ZNF423: variants seen among roughly 807,000 people sequenced by gnomAD.
ZNF423 encodes the protein Ebf-associated zinc finger protein.
A neutral mutation model predicts 95.8 loss-of-function variants in ZNF423; 12 were observed. The ratio of observed to expected loss-of-function variants is 0.13; its 90% confidence interval spans 0.08 to 0.20. The LOEUF is 0.20. Ranked by LOEUF, ZNF423 falls within the 10% of genes least tolerant of loss-of-function variation. The probability of loss-of-function intolerance (pLI) is 1.00; values close to 1 mark genes in which losing one functional copy is unlikely to be tolerated. For missense variants in ZNF423, 1,316 were observed against 1,737.1 expected (o/e 0.76, Z 4.31); for synonymous variants, 749 against 711.9 (o/e 1.05, Z -0.83).
intron 3 of ZNF423, among the ~76,000 whole-genome samples, chr16:49,641,457 G>A (rs1972972629): frequency 6.6e-6 from 1 of 152,204 alleles, no homozygotes; most frequent in African/African-American, 2.4e-5. Context: ...GGTTCAGAGA[G>A]ACACAGGAAC....
At chr16:49,688,540 T>C (rs2031658243) in intron 3 of ZNF423, among the ~76,000 whole-genome samples, 1 of 152,190 alleles carries the variant, frequency 6.6e-6, no homozygotes, top group Non-Finnish European at 1.5e-5. Flanking sequence ...TGAATGAGGC[T>C]TAGGTCTTCC....
chr16:49,713,715 G>T (rs1400778756), intron 3 of ZNF423, among the ~76,000 whole-genome samples: 5 of 152,180 alleles, frequency 3.3e-5, no homozygotes, highest in Non-Finnish European at 7.3e-5. Context: ...ATTCTTTAAA[G>T]AATTTTTAAG....
chr16:49,595,241 C>A (rs1164199134), intron 5 of ZNF423, among the ~76,000 whole-genome samples: 1 of 152,224 alleles, frequency 6.6e-6, no homozygotes. Flanking sequence ...CCCTGCCACT[C>A]CCAGCTCCAG....
At chr16:49,572,521 G>C (rs1970383140) in intron 5 of ZNF423, among the ~76,000 whole-genome samples, 1 of 152,182 alleles carries the variant, frequency 6.6e-6, no homozygotes, top group African/African-American at 2.4e-5. Context: ...CCTAGACTGG[G>C]CCAAGCACAG....
At chr16:49,696,900 CT>C (rs1201639324) in intron 3 of ZNF423, among the ~76,000 whole-genome samples, 1 of 152,214 alleles carries the variant, frequency 6.6e-6, no homozygotes, top group Non-Finnish European at 1.5e-5. Flanking sequence ...CTGCAGAGCG[CT>C]TTCAGGAGGG....
intron 7 of ZNF423, among the ~76,000 whole-genome samples, chr16:49,503,856 A>C (rs1255300419): frequency 6.6e-5 from 10 of 152,184 alleles, no homozygotes; most frequent in Admixed American, 6.5e-4. Context: ...CCAGGCCTCC[A>C]CTGATAGGGT....
chr16:49,766,738 G>A (rs1301886372), intron 2 of ZNF423, among the ~76,000 whole-genome samples: 1 of 152,166 alleles, frequency 6.6e-6, no homozygotes, highest in Non-Finnish European at 1.5e-5. Flanking sequence ...CTTCAGCAGT[G>A]CAGACCGAGC....
In ZNF423 at chr16:49,523,711, C is replaced by T. The variant is rs1479676906; in HGVS notation, c.3762G>A (p.Gln1254=). 6.2e-7 allele frequency: 1 copy of T among 1,613,916 alleles called. No individual in the cohort carries two copies. Among genetic ancestry groups the T allele is most frequent in the Non-Finnish European group, 8.5e-7 (1 of 1,180,036 alleles). ...CCTGCCCGTGCACGGCAAAGATGTG[C>T]TGCTGCAACTTGTTGGCCTGGACGA... The part of the protein sequence containing the change: ...TVFVQANKLQ[Q]HIFAVHGQED... Residue 1254 remains glutamine (Q), a synonymous_variant, in exon 7 of 8, where the codon CAG becomes CAA. Transcript: ENST00000563137.
intron 3 of ZNF423, among the ~76,000 whole-genome samples, chr16:49,698,120 A>G (rs2032042413): frequency 6.6e-6 from 1 of 152,228 alleles, no homozygotes; most frequent in South Asian, 2.1e-4. Context: ...CTTCCAGAGC[A>G]AGATCAGATG....
Position 49,636,072 on chromosome 16 carries a change from T to C in ZNF423, c.3104A>G (p.Gln1035Arg). The C allele has an allele frequency of 3.1e-6, 5 of 1,613,966 alleles. No homozygotes were observed. The highest frequency in any genetic ancestry group is 4.2e-6 in the Non-Finnish European group (5 of 1,179,994). The change falls in exon 4 of 8, where the codon CAG becomes CGG. Residue 1035 changes from glutamine to arginine, a missense_variant. Coordinates refer to ENST00000563137, the MANE Select transcript of ZNF423 (RefSeq NM_001379286.1). The surrounding 1 kb of genome is among the most constrained non-coding windows in gnomAD (Gnocchi z 8.6). ...LTGFRCVVCM[Q>R]TVTSTLELKI... ...GAGCTCAAGCGTGGAAGTGACTGTCTGCATGCAGACCACACAGCGGAAGCC... is the reference window on the plus strand; with the variant it reads ...GAGCTCAAGCGTGGAAGTGACTGTCCGCATGCAGACCACACAGCGGAAGCC...
intron 3 of ZNF423, among the ~76,000 whole-genome samples, chr16:49,693,450 G>C (rs1370515152): frequency 1.3e-5 from 2 of 152,142 alleles, no homozygotes; most frequent in Non-Finnish European, 2.9e-5. Context: ...AGGTTCAAAG[G>C]ATGCTTATCA....
intron 3 of ZNF423, among the ~76,000 whole-genome samples, chr16:49,678,454 C>T (rs1362507227): frequency 2.0e-5 from 3 of 152,144 alleles, no homozygotes. Context: ...ATCACAAAGT[C>T]CCTGTCCTCG....
At chr16:49,845,035 CAAAAAAAAAAAAAA>C (rs71138011) in intron 1 of ZNF423, among the ~76,000 whole-genome samples, 2 of 63,518 alleles carry the variant, frequency 3.1e-5, no homozygotes, top group South Asian at 5.8e-4. Flanking sequence ...AACTCCATCT[CAAAAAAAAAAAAAA>C]AAAAAAAAAA....
At chr16:49,655,156 C>T (rs569346407) in intron 3 of ZNF423, among the ~76,000 whole-genome samples, 50 of 152,218 alleles carry the variant, frequency 3.3e-4, no homozygotes, top group African/African-American at 1.2e-3. Flanking sequence ...GAAGCAATGG[C>T]GGGAGCCATG....
intron 5 of ZNF423, among the ~76,000 whole-genome samples, chr16:49,539,003 C>A (rs1969154485): frequency 6.6e-6 from 1 of 152,188 alleles, no homozygotes; most frequent in Non-Finnish European, 1.5e-5. Flanking sequence ...ACGAGGTGCT[C>A]AATAAATGCT....
chr16:49,704,143 C>A (rs1332269670), intron 3 of ZNF423, among the ~76,000 whole-genome samples: 2 of 152,078 alleles, frequency 1.3e-5, no homozygotes, highest in African/African-American at 4.8e-5. Context: ...GCAGTCTTAG[C>A]CCCTCTGGAA....
chr16:49,510,983 C>T (rs532340599), intron 7 of ZNF423, among the ~76,000 whole-genome samples: 56 of 152,136 alleles, frequency 3.7e-4, no homozygotes, highest in Non-Finnish European at 6.0e-4. Flanking sequence ...AATGGGCAGA[C>T]GGGCAGCCGG....
chr16:49,506,159 G>A (rs1990724), intron 7 of ZNF423, among the ~76,000 whole-genome samples: 7,967 of 152,262 alleles, frequency 0.052, 301 homozygotes, highest in African/African-American at 0.11. Flanking sequence ...GAAGGCATCC[G>A]AAAAGCTGTG....
intron 3 of ZNF423, among the ~76,000 whole-genome samples, chr16:49,708,983 C>T (rs2032452210): frequency 6.6e-6 from 1 of 152,010 alleles, no homozygotes; most frequent in African/African-American, 2.4e-5. Flanking sequence ...AAAGATCCAT[C>T]ACTGAGCTCC....
Sources: gnomAD v4.1 joint callset for allele counts (sites outside exome capture counted in the v4.1 genomes callset) on GRCh38, gnomAD v4.1.1 for gene constraint, Gnocchi (gnomAD v3.1) non-coding constraint, MANE v1.5 for transcripts, NCBI Gene and HGNC (gene_info 2026-07-23, HGNC 2026-07-21) for gene names.